The following CD244 variants were observed in gnomAD, a reference collection of about 807,000 sequenced individuals.
CD244 encodes the protein CD244 molecule.
Under a neutral mutation model 45.5 loss-of-function variants are expected in CD244, and 20 were observed. The ratio of observed to expected loss-of-function variants is 0.44; its 90% CI spans 0.31 to 0.64. CD244 has a LOEUF of 0.64. CD244 is among the 30% of genes least tolerant of loss of function. The pLI, the probability that CD244 is intolerant of heterozygous loss-of-function variation, is 0.08. For synonymous variants in CD244, 185 were observed against 160.5 expected (o/e 1.15, Z -1.15); for missense variants, 407 against 426.9 (o/e 0.95, Z 0.41).
chr1:160,858,687 C>T (rs1344472763), intron 1 of CD244, among the ~76,000 whole-genome samples: 2 of 152,222 alleles, frequency 1.3e-5, no homozygotes, highest in African/African-American at 4.8e-5. Flanking sequence ...ACTGCATTGG[C>T]ACTGCACCAG....
At position 160,841,780 on chromosome 1, in the gene CD244, A is replaced by G; in HGVS notation, c.183T>C (p.Asn61=). The part of the protein sequence containing the change: ...IAWKKLLPSQ[N]GFHHILKWEN... ...CCCACTTCAATATGTGATGAAATCC[A>G]TTTTGTGAGGGCAGCAACTTCTTCC... The change falls in exon 2 of 9, where the codon AAT becomes AAC. Residue 61 remains asparagine (N), a synonymous_variant. Transcript: ENST00000368034. 6.2e-7 allele frequency: 1 copy of G among 1,614,158 alleles called. No homozygotes were observed. Among genetic ancestry groups the G allele is most frequent in the East Asian group, 2.2e-5 (1 of 44,886 alleles).
chr1:160,847,222 A>G (rs1341311155), intron 1 of CD244, among the ~76,000 whole-genome samples: 3 of 152,122 alleles, frequency 2.0e-5, no homozygotes, highest in East Asian at 1.9e-4. Context: ...ATTTGATAGA[A>G]CTAAAAGGAG....
chr1:160,842,440 G>T lies in CD244; in HGVS notation c.62-539C>A, dbSNP rs114726347. 2.0e-3 allele frequency among the ~76,000 whole-genome samples: 304 copies of T among 152,070 alleles called. 2 individuals are homozygous for T. Among genetic ancestry groups the T allele is most frequent in the African/African-American group, 7.1e-3 (294 of 41,452 alleles). On this transcript the variant is annotated intron_variant, in intron 1 of 8. Coordinates refer to ENST00000368034, the MANE Select transcript of CD244 (RefSeq NM_016382.4). ...TACTCTTTGTAAAGACAGCAGTTTG[G>T]CTTGAGAGGATAAATTCTTAACCAT...
At chr1:160,838,304 T>C in intron 5 of CD244, 147 bp downstream of exon 5, 2 of 707,934 alleles carry the variant, frequency 2.8e-6, no homozygotes, top group Non-Finnish European at 5.2e-6. Context: ...AGGAAGCAGG[T>C]GGAGAAAAGA....
chr1:160,859,698 G>A (rs1670226198), intron 1 of CD244, among the ~76,000 whole-genome samples: 1 of 151,244 alleles, frequency 6.6e-6, no homozygotes. Flanking sequence ...CCTGAGCCCG[G>A]GAGTTCAAGA....
At chr1:160,860,966 C>A (rs957672507) in intron 1 of CD244, among the ~76,000 whole-genome samples, 1 of 152,226 alleles carries the variant, frequency 6.6e-6, no homozygotes. Flanking sequence ...CGTGCAAGGG[C>A]CGGCATAGCC....
rs374855348 is a variant in CD244 at position 160,857,056 on chromosome 1, T to C, written c.61+5561A>G. Among the ~76,000 whole-genome samples, 11 of 152,330 alleles carry C rather than the reference T, an allele frequency of 7.2e-5. No individual in the cohort carries two copies. In the South Asian group the frequency reaches 1.5e-3, roughly 20 times the overall value. On this transcript the variant is annotated intron_variant, in intron 1 of 8. Transcript: ENST00000368034. ...ATGCATCTCACATAACTCCTAAAAA[T>C]GACTCTATTGTCAGAATTTCATGCA...
intron 1 of CD244, among the ~76,000 whole-genome samples, chr1:160,849,061 C>G (rs1405258780): frequency 1.7e-4 from 26 of 152,158 alleles, no homozygotes; most frequent in Admixed American, 1.6e-3. Flanking sequence ...GTCTGACACT[C>G]TCTCCAGTTA....
At chr1:160,836,871 G>A (rs2101864695) in intron 5 of CD244, among the ~76,000 whole-genome samples, 1 of 152,314 alleles carries the variant, frequency 6.6e-6, no homozygotes, top group East Asian at 1.9e-4. Flanking sequence ...AGCCAGTGGA[G>A]GCAGCAGGGT....
chr1:160,862,068 T>C (rs1038516282), intron 1 of CD244, among the ~76,000 whole-genome samples: 3 of 152,034 alleles, frequency 2.0e-5, no homozygotes, highest in African/African-American at 7.2e-5. Context: ...GCCCCAACCC[T>C]GCATGTCCCT....
In CD244 at chr1:160,836,271, G is replaced by C. The variant is rs1467361631; in HGVS notation, c.835-17C>G. The C allele has an allele frequency of 6.2e-7, 1 of 1,607,184 alleles. No homozygotes were observed. On this transcript the variant is annotated splice_polypyrimidine_tract_variant and intron_variant, in intron 5 of 8. Coordinates refer to ENST00000368034, the MANE Select transcript of CD244 (RefSeq NM_016382.4). ...CTCCTGCTCCTGCACAAGAAATGGA[G>C]ATGGGGTAACATGAGCGACAGTTCG...
chr1:160,833,262 A>T (rs1338312862), intron 7 of CD244, among the ~76,000 whole-genome samples: 1 of 152,178 alleles, frequency 6.6e-6, no homozygotes, highest in Non-Finnish European at 1.5e-5. Context: ...TGAATGGCTT[A>T]TTGGAAGGAG....
chr1:160,859,276 T>C (rs1670211790), intron 1 of CD244, among the ~76,000 whole-genome samples: 1 of 152,144 alleles, frequency 6.6e-6, no homozygotes, highest in African/African-American at 2.4e-5. Flanking sequence ...GCTGAAATGC[T>C]GTGAGCAAGA....
rs376345769 is a variant in CD244 at position 160,830,687 on chromosome 1, A to G, written c.*660T>C. On this transcript the variant is annotated 3_prime_UTR_variant, in exon 9 of 9. Transcript: ENST00000368034. Reference sequence around the variant, plus strand: ...AGCATGTGCTCTGGGTGATTTTTCTACTTAGAGATGGGCTTGCTTTGCACC... The same window carrying G: ...AGCATGTGCTCTGGGTGATTTTTCTGCTTAGAGATGGGCTTGCTTTGCACC... 6.6e-6 allele frequency: 1 copy of G among 152,316 alleles called. No individual in the cohort carries two copies. The highest frequency in any genetic ancestry group is 2.1e-4 in the South Asian group (1 of 4,836). The allele number at this position is 152,316 out of a possible 1,614,324, so 9.4% of individuals were successfully genotyped here. A position where few individuals can be genotyped will look rare whatever the true frequency, so the allele number is the denominator to read the frequency against.
chr1:160,839,225 C>T (rs1209850203), intron 3 of CD244, 176 bp from the exon 4 acceptor site: 2 of 564,416 alleles, frequency 3.5e-6, no homozygotes, highest in Non-Finnish European at 6.3e-6. Flanking sequence ...TTAACCTCCT[C>T]TGAGTGATGC....
intron 3 of CD244, among the ~76,000 whole-genome samples, chr1:160,839,356 T>C (rs1669453167): frequency 6.6e-6 from 1 of 152,228 alleles, no homozygotes; most frequent in African/African-American, 2.4e-5. Flanking sequence ...CCTCAGAGCC[T>C]CTTAGATTTT....
chr1:160,850,766 A>T lies in CD244; in HGVS notation c.62-8865T>A, dbSNP rs76491500. On this transcript the variant is annotated intron_variant, in intron 1 of 8. Coordinates refer to ENST00000368034, the MANE Select transcript of CD244 (RefSeq NM_016382.4). Reference sequence around the variant, plus strand: ...GTGGGGAGTTTCCCACGTGCCAAGCAAGCAATCAGCTCTTCAGTGGACACC... The same window carrying T: ...GTGGGGAGTTTCCCACGTGCCAAGCTAGCAATCAGCTCTTCAGTGGACACC... Among the ~76,000 whole-genome samples, 231 of 152,278 alleles carry T rather than the reference A, an allele frequency of 1.5e-3. 4 individuals carry two copies. The East Asian group carries it at 0.035, about 23-fold the overall frequency.
chr1:160,832,590 G>A lies in CD244; in HGVS notation c.961-15C>T. On this transcript the variant is annotated splice_polypyrimidine_tract_variant and intron_variant, in intron 7 of 8. Coordinates refer to ENST00000368034, the MANE Select transcript of CD244 (RefSeq NM_016382.4). Reference sequence around the variant, plus strand: ...CTGGATCCAGACTAGAAATTCAGAAGGTAAAGAATACTTAACTTCGAGATA... The same window carrying A: ...CTGGATCCAGACTAGAAATTCAGAAAGTAAAGAATACTTAACTTCGAGATA... 6.2e-7 allele frequency: 1 copy of A among 1,611,916 alleles called. No individual in the cohort carries two copies. The highest frequency in any genetic ancestry group is 8.5e-7 in the Non-Finnish European group (1 of 1,178,608).
At chr1:160,832,352 G>T (rs1247949605) in intron 8 of CD244, among the ~76,000 whole-genome samples, 167 bp downstream of exon 8, 2 of 152,106 alleles carry the variant, frequency 1.3e-5, no homozygotes, top group East Asian at 3.8e-4. Flanking sequence ...CTCTCCTTGG[G>T]CTTCAGTGTC....
Sources: gnomAD v4.1 joint callset for allele counts (sites outside exome capture counted in the v4.1 genomes callset) on GRCh38, gnomAD v4.1.1 for gene constraint, MANE v1.5 for transcripts, NCBI Gene and HGNC (gene_info 2026-07-23, HGNC 2026-07-21) for gene names.